The following RGSL1 variants were observed in gnomAD, a reference collection of about 807,000 sequenced individuals.
RGSL1 encodes regulator of G protein signaling protein-like.
A neutral mutation model predicts 124.7 loss-of-function variants in RGSL1; 97 were observed. That is an observed-to-expected ratio of 0.78 (90% CI 0.66 to 0.92). The LOEUF is 0.92. Ranked by LOEUF, RGSL1 falls within the 40% of genes least tolerant of loss-of-function variation. The pLI, the probability that RGSL1 is intolerant of heterozygous loss-of-function variation, is 0.00. For synonymous variants in RGSL1, 424 were observed against 438.1 expected (o/e 0.97, Z 0.40); for missense variants, 1,233 against 1,288.4 (o/e 0.96, Z 0.66).
Position 182,530,808 on chromosome 1 carries a change from C to G in RGSL1, c.2262C>G (p.Asp754Glu), listed in dbSNP as rs76076926. The change falls in exon 13 of 22, where the codon GAC (aspartate) becomes GAG (glutamate). Residue 754 changes from aspartate (D) to glutamate (E), a missense_variant. Physicochemically the swap from Asp to Glu is conservative, Grantham distance 45. Coordinates refer to ENST00000294854, the MANE Select transcript of RGSL1 (RefSeq NM_001137669.2). ...CTGACAGGTTTAAAGATTATCAAGA[C>G]CTGTTCCCACCTCACCATCAGGAGG... is the stretch of plus-strand genomic sequence containing the variant. ...IEEKWFKDYQ[D>E]LFPPHHQEVE... is the part of the protein sequence containing the mutation. 2,835 of 1,546,840 alleles carry G rather than the reference C, an allele frequency of 1.8e-3. 53 individuals are homozygous for G. The African/African-American group carries it at 0.035, about 19-fold the overall frequency.
At chr1:182,515,396 A>C (rs1210017533) in intron 9 of RGSL1, among the ~76,000 whole-genome samples, 11 of 152,114 alleles carry the variant, frequency 7.2e-5, no homozygotes, top group Admixed American at 7.2e-4. Context: ...GGACAAAAAA[A>C]GTATTTCAGA....
At chr1:182,487,581 T>C (rs1042806366) in intron 6 of RGSL1, among the ~76,000 whole-genome samples, 1 of 152,256 alleles carries the variant, frequency 6.6e-6, no homozygotes, top group Non-Finnish European at 1.5e-5. Context: ...CTTACCTTTA[T>C]GAATTCTTCC....
At chr1:182,512,180 C>T (rs568225190) in intron 9 of RGSL1, among the ~76,000 whole-genome samples, 1 of 152,174 alleles carries the variant, frequency 6.6e-6, no homozygotes, top group South Asian at 2.1e-4. Flanking sequence ...GTTTTATGTA[C>T]TTTGATGCTC....
At position 182,492,169 on chromosome 1, in the gene RGSL1, G is replaced by T. The variant is rs934272608; in HGVS notation, c.1718-853G>T. Among the ~76,000 whole-genome samples, 6 of 152,114 alleles carry T rather than the reference G, an allele frequency of 3.9e-5. No individual in the cohort carries two copies. In the East Asian group the frequency reaches 1.2e-3, roughly 29 times the overall value. On this transcript the variant is annotated intron_variant, in intron 8 of 21. Transcript: ENST00000294854. ...TTCTTTGCCATTTGTTATTCTTAGG[G>T]GCTTCAATTTTTTTTGAAGCAATAG...
chr1:182,505,724 T>C lies in RGSL1; in HGVS notation c.1825+12595T>C, dbSNP rs553770018. On this transcript the variant is annotated intron_variant, in intron 9 of 21. Transcript: ENST00000294854. ...TTAATATTATTATATCTCTCCATTA[T>C]ATTTATTTCTAGACCTTTGATGTTT... Among the ~76,000 whole-genome samples the C allele has an allele frequency of 1.8e-4, 28 of 152,318 alleles. No homozygotes were observed. In the South Asian group the frequency reaches 4.3e-3, roughly 24 times the overall value.
intron 6 of RGSL1, among the ~76,000 whole-genome samples, chr1:182,487,492 T>C (rs1315835576): frequency 6.6e-6 from 1 of 152,230 alleles, no homozygotes; most frequent in Non-Finnish European, 1.5e-5. Context: ...CTCTTTCTAC[T>C]GCATGGCATG....
chr1:182,538,308 A>T (rs1416661344), intron 14 of RGSL1, among the ~76,000 whole-genome samples: 3 of 152,074 alleles, frequency 2.0e-5, no homozygotes, highest in Non-Finnish European at 4.4e-5. Flanking sequence ...TGGGTGTATC[A>T]CCAGAGGTCA....
intron 14 of RGSL1, among the ~76,000 whole-genome samples, chr1:182,534,672 C>T: frequency 6.6e-6 from 1 of 152,000 alleles, no homozygotes; most frequent in Non-Finnish European, 1.5e-5. Flanking sequence ...TACTAAAATA[C>T]AAAAATTAGC....
At chr1:182,553,112 C>A (rs1188457621) in intron 18 of RGSL1, among the ~76,000 whole-genome samples, 1 of 152,158 alleles carries the variant, frequency 6.6e-6, no homozygotes, top group East Asian at 1.9e-4. Flanking sequence ...CCACGTTGGT[C>A]AGGCTGGTCT....
At chr1:182,498,168 CT>C (rs575223696) in intron 9 of RGSL1, among the ~76,000 whole-genome samples, 4 of 151,834 alleles carry the variant, frequency 2.6e-5, no homozygotes, top group Admixed American at 1.3e-4. Context: ...TATATGAACT[CT>C]TTTTTTTATT....
chr1:182,464,441 T>A (rs1352141563), intron 4 of RGSL1, among the ~76,000 whole-genome samples: 2 of 152,192 alleles, frequency 1.3e-5, no homozygotes, highest in Middle Eastern at 3.4e-3. Flanking sequence ...AACAGAAGAC[T>A]GGCCGGGGGT....
rs574873372 is a variant in RGSL1 at position 182,476,359 on chromosome 1, C to A, written c.1431+1817C>A. Among the ~76,000 whole-genome samples the A allele has an allele frequency of 6.3e-4, 96 of 152,244 alleles. 2 individuals carry two copies. In the South Asian group the frequency reaches 0.013, roughly 21 times the overall value. ...GGAGAAGACTAGCCTATCACAGTTA[C>A]TCAGACTAAACATTTTTATATCATT... On this transcript the variant is annotated intron_variant, in intron 6 of 21. Transcript: ENST00000294854.
intron 4 of RGSL1, among the ~76,000 whole-genome samples, chr1:182,461,642 G>T (rs182758802): frequency 6.6e-6 from 1 of 151,774 alleles, no homozygotes; most frequent in Admixed American, 6.6e-5. Flanking sequence ...GAACAAAATG[G>T]AAATATTAAT....
In RGSL1 at chr1:182,505,607, T is replaced by C. The variant is rs1279919063; in HGVS notation, c.1825+12478T>C. Among the ~76,000 whole-genome samples the C allele has an allele frequency of 2.0e-5, 3 of 152,200 alleles. No individual in the cohort carries two copies. The East Asian group carries it at 5.8e-4, about 29-fold the overall frequency. On this transcript the variant is annotated intron_variant, in intron 9 of 21. Transcript: ENST00000294854. ...TTTTCTGTGTCATCATTTCCTACTA[T>C]ATCTTTTAATCCATGGATTTGGCAT...
intron 9 of RGSL1, among the ~76,000 whole-genome samples, chr1:182,501,322 T>TTTTTTTTTTTTTTTTTTTTTTTTTTTTTC (rs1656366554): frequency 8.8e-6 from 1 of 114,124 alleles, no homozygotes; most frequent in Admixed American, 8.7e-5. Flanking sequence ...TTTTTTTTTT[T>TTTTTTTTTTTTTTTTTTTTTTTTTTTTTC]TTTTTTTTTT....
intron 9 of RGSL1, among the ~76,000 whole-genome samples, chr1:182,509,468 G>A (rs1185833362): frequency 5.9e-4 from 31 of 52,332 alleles, no homozygotes; most frequent in African/African-American, 1.8e-3. Context: ...CCTCCCGGAC[G>A]GGGCGGCTGG....
chr1:182,527,702 C>T lies in RGSL1; in HGVS notation c.2055C>T (p.Thr685=). Residue 685 remains threonine, a synonymous_variant, in exon 11 of 22, where the codon ACC becomes ACT. Transcript: ENST00000294854. ...LTAVQKISIE[T]NEKICKSLIE... is the part of the protein sequence containing the mutation. ...CTGTACAGAAGATCAGTATAGAGACCAATGAAAAGATTTGCAAGTCTCTCA... is the reference window on the plus strand; with the variant it reads ...CTGTACAGAAGATCAGTATAGAGACTAATGAAAAGATTTGCAAGTCTCTCA... 6 of 1,551,018 alleles carry T rather than the reference C, an allele frequency of 3.9e-6. No individual in the cohort carries two copies. The highest frequency in any genetic ancestry group is 5.2e-6 in the Non-Finnish European group (6 of 1,146,598).
At chr1:182,460,848 C>T (rs1571474999) in intron 4 of RGSL1, 1 of 405,750 alleles carries the variant, frequency 2.5e-6, no homozygotes, top group East Asian at 7.1e-5. Flanking sequence ...CATTCAATTT[C>T]AGCTCTTTGC....
At chr1:182,469,690 A>G (rs756413764) in intron 4 of RGSL1, among the ~76,000 whole-genome samples, 3 of 152,188 alleles carry the variant, frequency 2.0e-5, no homozygotes, top group Non-Finnish European at 4.4e-5. Context: ...GTCTGGAGAG[A>G]TATTTGTACA....
Sources: allele counts gnomAD v4.1 joint callset (sites outside exome capture counted in the v4.1 genomes callset), GRCh38; gene constraint gnomAD v4.1.1; transcripts MANE v1.5; gene names NCBI Gene and HGNC (gene_info 2026-07-23, HGNC 2026-07-21).